The following IFFO2 variants were observed in gnomAD, a reference collection of about 807,000 sequenced individuals.
The protein encoded by IFFO2 is intermediate filament family orphan 2.
A neutral mutation model predicts 53.5 loss-of-function variants in IFFO2; 19 were observed. That is an observed-to-expected ratio of 0.36 (90% CI 0.25 to 0.52). The LOEUF (loss-of-function observed/expected upper bound fraction) is 0.52. Ranked by LOEUF, IFFO2 falls within the 20% of genes least tolerant of loss-of-function variation. The pLI is 0.94. For synonymous variants in IFFO2, 303 were observed against 313.6 expected (o/e 0.97, Z 0.36); for missense variants, 570 against 727.4 (o/e 0.78, Z 2.49).
At chr1:18,950,933 C>T (rs1290613134) in intron 1 of IFFO2, among the ~76,000 whole-genome samples, 1 of 152,170 alleles carries the variant, frequency 6.6e-6, no homozygotes, top group Non-Finnish European at 1.5e-5. Context: ...TTAAAACAGA[C>T]ATACAAAAAG....
At chr1:18,912,220 A>G in intron 5 of IFFO2, 137 bp from the exon 6 acceptor site, 1 of 973,686 alleles carries the variant, frequency 1.0e-6, no homozygotes, top group Admixed American at 2.7e-5. Flanking sequence ...GTAGTAAGCC[A>G]AAGGGGACAT....
intron 1 of IFFO2, 84 bp downstream of exon 1, chr1:18,955,584 G>A (rs1314390323): frequency 2.7e-6 from 4 of 1,460,802 alleles, no homozygotes; most frequent in Non-Finnish European, 1.8e-6. Flanking sequence ...CTGCCCGCCC[G>A]GCCCCCGTCC....
At chr1:18,923,896 C>A (rs1936247598) in intron 1 of IFFO2, among the ~76,000 whole-genome samples, 1 of 152,160 alleles carries the variant, frequency 6.6e-6, no homozygotes, top group African/African-American at 2.4e-5. Context: ...TCCCTTCCTG[C>A]CCCGAGTTCT....
Position 18,919,643 on chromosome 1 carries a change from G to C in IFFO2, c.822+35C>G, listed in dbSNP as rs367673277. On this transcript the variant is annotated intron_variant, in intron 3 of 8. Transcript: ENST00000455833. The surrounding 1 kb of genome is among the most constrained non-coding windows in gnomAD (Gnocchi z 4.9). ...CATTTTGCATGATGGGTGTGGGGGAGGTCATGACACCCAGGGGCGGCGGGC... is the reference window on the plus strand; with the variant it reads ...CATTTTGCATGATGGGTGTGGGGGACGTCATGACACCCAGGGGCGGCGGGC... The C allele has an allele frequency of 7.2e-7, 1 of 1,392,742 alleles. No homozygotes were observed. Among genetic ancestry groups the C allele is most frequent in the South Asian group, 1.2e-5 (1 of 80,870 alleles). 86.3% of individuals were successfully genotyped at this position (1,392,742 alleles called of 1,614,324 possible). A position where few individuals can be genotyped will look rare whatever the true frequency, so the allele number is the denominator to read the frequency against.
intron 1 of IFFO2, among the ~76,000 whole-genome samples, chr1:18,953,192 C>T (rs555835994): frequency 6.6e-5 from 10 of 152,340 alleles, no homozygotes; most frequent in Non-Finnish European, 1.5e-4. Flanking sequence ...ATCCCTTAGA[C>T]GGTGACTTCT....
Position 18,931,006 on chromosome 1 carries a change from AC to A in IFFO2, c.666-9886del, listed in dbSNP as rs1225248800. 3.3e-5 allele frequency among the ~76,000 whole-genome samples: 5 copies of A among 152,252 alleles called. No individual in the cohort carries two copies. In the East Asian group the frequency reaches 9.6e-4, roughly 29 times the overall value. ...AACAACATAGTGAGATCCCATCCCT[AC>A]AAAAAATTTTAAAAATTAGCCAGGC... is the stretch of plus-strand genomic sequence containing the variant. On this transcript the variant is annotated intron_variant, in intron 1 of 8. Transcript: ENST00000455833.
intron 2 of IFFO2, 23 bp downstream of exon 2, chr1:18,921,038 T>C (rs1369504058): frequency 3.2e-6 from 5 of 1,550,820 alleles, no homozygotes; most frequent in Non-Finnish European, 4.4e-6. Context: ...CCTCTCCTGG[T>C]CGGGATATCG....
intron 1 of IFFO2, among the ~76,000 whole-genome samples, chr1:18,923,082 C>G (rs1557642166): frequency 6.6e-6 from 1 of 152,220 alleles, no homozygotes; most frequent in Admixed American, 6.5e-5. Flanking sequence ...AGCCGCTGAG[C>G]AGGGCAGGTG....
chr1:18,909,983 G>A (rs1165629893), intron 8 of IFFO2, among the ~76,000 whole-genome samples: 1 of 152,166 alleles, frequency 6.6e-6, no homozygotes, highest in Non-Finnish European at 1.5e-5. Flanking sequence ...ATGGGAGCAT[G>A]CCCTGTCCAC....
chr1:18,913,680 C>G (rs1936079300), intron 5 of IFFO2, among the ~76,000 whole-genome samples: 1 of 152,190 alleles, frequency 6.6e-6, no homozygotes, highest in Non-Finnish European at 1.5e-5. Flanking sequence ...TGGCTAGGGT[C>G]CTGCCCACAG....
At position 18,916,780 on chromosome 1, in the gene IFFO2, A is replaced by G. The variant is rs1180439448; in HGVS notation, c.1103+123T>C. The G allele has an allele frequency of 7.8e-6, 10 of 1,274,118 alleles. No homozygotes were observed. The highest frequency in any genetic ancestry group is 1.1e-5 in the Non-Finnish European group (10 of 939,254). The allele number at this position is 1,274,118 out of a possible 1,614,324, so 78.9% of individuals were successfully genotyped here. On this transcript the variant is annotated intron_variant, in intron 5 of 8. Transcript: ENST00000455833. The surrounding 1 kb of genome is among the most constrained non-coding windows in gnomAD (Gnocchi z 4.3). ...AAAGTGAGACCCTGTCTCAAAAAAA[A>G]AAAGGAAATGAATTCAAATTCTTCC...
intron 1 of IFFO2, among the ~76,000 whole-genome samples, chr1:18,929,062 G>C (rs1041743720): frequency 6.6e-6 from 1 of 152,184 alleles, no homozygotes; most frequent in African/African-American, 2.4e-5. Context: ...GTTCCTGAGG[G>C]CTTGCCACGA....
chr1:18,916,897 A>G lies in IFFO2; in HGVS notation c.1103+6T>C, dbSNP rs1449570881. 3 of 1,551,714 alleles carry G rather than the reference A, an allele frequency of 1.9e-6. No homozygotes were observed. In the South Asian group the frequency reaches 3.6e-5, roughly 18 times the overall value. Reference sequence around the variant, plus strand: ...CGGAGAGTGTGCGGGCCACGGGGATACTCACAGCTGGTTAAACATGCGCTT... The same window carrying G: ...CGGAGAGTGTGCGGGCCACGGGGATGCTCACAGCTGGTTAAACATGCGCTT... On this transcript the variant is annotated splice_donor_region_variant and intron_variant, in intron 5 of 8. Transcript: ENST00000455833. This position sits in a 1 kb window ranked among gnomAD's most constrained non-coding sequence, Gnocchi z 4.3.
intron 1 of IFFO2, among the ~76,000 whole-genome samples, chr1:18,929,592 T>C (rs1936345890): frequency 6.6e-6 from 1 of 152,028 alleles, no homozygotes; most frequent in South Asian, 2.1e-4. Flanking sequence ...TTCCCCCCAC[T>C]TGTTTCCTGG....
In IFFO2 at chr1:18,919,751, A is replaced by T; in HGVS notation, c.749T>A (p.Ile250Asn). Residue 250 changes from isoleucine (I) to asparagine (N), a missense_variant, in exon 3 of 9, where the codon ATC becomes AAC. By Grantham distance (149) the Ile-to-Asn change is moderately radical. Transcript: ENST00000455833. This position sits in a 1 kb window ranked among gnomAD's most constrained non-coding sequence, Gnocchi z 4.9. ...GATCTTCTCATTCATCTCCTCCTGG[A>T]TGGCATCAGCCTCCTGTGCTGCCTG... ...LQEAAQEADAIQEEMNEKIER... is the reference protein window; with the variant it reads ...LQEAAQEADANQEEMNEKIER... The T allele has an allele frequency of 6.4e-7, 1 of 1,551,492 alleles. No individual in the cohort carries two copies. Among genetic ancestry groups the T allele is most frequent in the Non-Finnish European group, 8.7e-7 (1 of 1,146,906 alleles).
At position 18,916,882 on chromosome 1, in the gene IFFO2, G is replaced by A. The variant is rs775511226; in HGVS notation, c.1103+21C>T. On this transcript the variant is annotated intron_variant, in intron 5 of 8. Transcript: ENST00000455833. The surrounding 1 kb of genome is among the most constrained non-coding windows in gnomAD (Gnocchi z 4.3). ...AGCAATCCGGGGAAACGGAGAGTGT[G>A]CGGGCCACGGGGATACTCACAGCTG... The A allele has an allele frequency of 3.6e-5, 56 of 1,551,300 alleles. No homozygotes were observed. Among genetic ancestry groups the A allele is most frequent in the African/African-American group, 6.8e-5 (5 of 73,060 alleles).
At chr1:18,923,736 T>C (rs148403951) in intron 1 of IFFO2, among the ~76,000 whole-genome samples, 219 of 152,288 alleles carry the variant, frequency 1.4e-3, no homozygotes, top group Middle Eastern at 0.014. Context: ...AGAATGTGCA[T>C]ACCAATCACC....
Position 18,925,037 on chromosome 1 carries a change from A to G in IFFO2, c.666-3916T>C, listed in dbSNP as rs565254923. The stretch of plus-strand genomic sequence containing the variant: ...GAATCACTGAGAGCCGCCCCTGCCC[A>G]CCCTGACCCAACAGCTCATAAAACT... On this transcript the variant is annotated intron_variant, in intron 1 of 8. Transcript: ENST00000455833. Among the ~76,000 whole-genome samples, 3 of 152,056 alleles carry G rather than the reference A, an allele frequency of 2.0e-5. No homozygotes were observed. The East Asian group carries it at 5.8e-4, about 30-fold the overall frequency.
At chr1:18,911,363 C>T in intron 7 of IFFO2, 21 bp downstream of exon 7, 1 of 1,370,734 alleles carries the variant, frequency 7.3e-7, no homozygotes, top group Non-Finnish European at 9.9e-7. Flanking sequence ...CACGAGTGGG[C>T]TCCACGTCCC....
Sources: allele counts gnomAD v4.1 joint callset (sites outside exome capture counted in the v4.1 genomes callset), GRCh38; gene constraint gnomAD v4.1.1; non-coding constraint Gnocchi (gnomAD v3.1); transcripts MANE v1.5; gene names NCBI Gene and HGNC (gene_info 2026-07-23, HGNC 2026-07-21).